The following ADAMTSL1 variants were observed in gnomAD, a reference collection of about 807,000 sequenced individuals.
ADAMTSL1 encodes ADAMTS-like protein 1.
A neutral mutation model predicts 201.8 loss-of-function variants in ADAMTSL1; 126 were observed. The ratio of observed to expected loss-of-function variants is 0.62; its 90% CI spans 0.54 to 0.72. ADAMTSL1 has a LOEUF of 0.72. Among genes scored for constraint, ADAMTSL1 ranks in the 30% least tolerant of loss-of-function variants. The pLI is 0.00. For synonymous variants in ADAMTSL1, 1,121 were observed against 903.4 expected, an observed-to-expected ratio of 1.24 and a Z score of -4.32; for missense variants, 2,679 against 2,277.8, an observed-to-expected ratio of 1.18 and a Z score of -3.59.
intron 3 of ADAMTSL1, among the ~76,000 whole-genome samples, chr9:18,567,544 G>C (rs530725404): frequency 1.3e-5 from 2 of 152,236 alleles, no homozygotes; most frequent in African/African-American, 4.8e-5. Flanking sequence ...GATTTCATGG[G>C]GATAGCAGGA....
chr9:18,581,018 A>G (rs1423766087), intron 4 of ADAMTSL1, among the ~76,000 whole-genome samples: 4 of 152,180 alleles, frequency 2.6e-5, no homozygotes, highest in Admixed American at 6.5e-5. Flanking sequence ...GTGGCTTAAA[A>G]CAACAGAAAT....
chr9:18,450,937 A>T (rs1187832244), intron 2 of ADAMTSL1, among the ~76,000 whole-genome samples: 5 of 152,248 alleles, frequency 3.3e-5, no homozygotes, highest in Non-Finnish European at 7.3e-5. Context: ...CAAGAACTGT[A>T]GTCTGGGTTT....
chr9:18,567,309 A>G (rs1167819324), intron 3 of ADAMTSL1, among the ~76,000 whole-genome samples: 1 of 152,084 alleles, frequency 6.6e-6, no homozygotes, highest in African/African-American at 2.4e-5. Context: ...TACTAAAAAT[A>G]CAGAAAAGTA....
intron 1 of ADAMTSL1, among the ~76,000 whole-genome samples, chr9:17,996,512 G>A (rs1222102850): frequency 6.6e-6 from 1 of 152,098 alleles, no homozygotes; most frequent in African/African-American, 2.4e-5. Flanking sequence ...ATTGGGCAAG[G>A]CAGAATTAAT....
chr9:18,337,963 A>G (rs964485868), intron 2 of ADAMTSL1, among the ~76,000 whole-genome samples: 1 of 152,134 alleles, frequency 6.6e-6, no homozygotes, highest in Non-Finnish European at 1.5e-5. Flanking sequence ...GGGGGTGGTC[A>G]AGCCCGGCTT....
At chr9:18,721,461 C>G in intron 14 of ADAMTSL1, 75 bp from the exon 15 acceptor site, 1 of 1,569,056 alleles carries the variant, frequency 6.4e-7, no homozygotes, top group Non-Finnish European at 8.7e-7. Context: ...CCACCAGCTG[C>G]CTTGTCTACA....
intron 2 of ADAMTSL1, among the ~76,000 whole-genome samples, chr9:18,224,885 G>A (rs1430090527): frequency 6.6e-6 from 1 of 151,992 alleles, no homozygotes; most frequent in Non-Finnish European, 1.5e-5. Context: ...TCCTTTTGGT[G>A]TTCCGTAATT....
intron 23 of ADAMTSL1, among the ~76,000 whole-genome samples, chr9:18,869,742 A>G (rs1339583674): frequency 1.3e-5 from 2 of 152,062 alleles, no homozygotes; most frequent in Admixed American, 6.6e-5. Context: ...CTGGCTTTCA[A>G]TATTTTTTCT....
At chr9:18,278,847 C>T (rs1359374782) in intron 2 of ADAMTSL1, among the ~76,000 whole-genome samples, 3 of 151,842 alleles carry the variant, frequency 2.0e-5, no homozygotes, top group African/African-American at 7.3e-5. Context: ...CATTCTTTTT[C>T]TTTCTCTCTT....
At chr9:17,923,529 G>A (rs1021762070) in intron 1 of ADAMTSL1, among the ~76,000 whole-genome samples, 25 of 151,920 alleles carry the variant, frequency 1.6e-4, no homozygotes, top group Admixed American at 1.6e-3. Context: ...TTTGGGCTGA[G>A]ACAATGGGGT....
intron 2 of ADAMTSL1, among the ~76,000 whole-genome samples, chr9:18,334,366 C>T (rs1835146161): frequency 1.3e-5 from 2 of 152,158 alleles, no homozygotes; most frequent in African/African-American, 2.4e-5. Flanking sequence ...TGTGCATATA[C>T]ACGTGTGCAC....
chr9:18,862,472 A>T (rs1827272375), intron 23 of ADAMTSL1, among the ~76,000 whole-genome samples: 1 of 152,196 alleles, frequency 6.6e-6, no homozygotes, highest in Non-Finnish European at 1.5e-5. Context: ...TTTTCCTCTG[A>T]AACTGTTGTT....
At chr9:18,216,662 T>G (rs1414940523) in intron 2 of ADAMTSL1, among the ~76,000 whole-genome samples, 1 of 151,798 alleles carries the variant, frequency 6.6e-6, no homozygotes, top group Non-Finnish European at 1.5e-5. Context: ...TTTTTTTTTT[T>G]TTTTCCTTTT....
At chr9:18,865,287 GGT>G (rs947245685) in intron 23 of ADAMTSL1, among the ~76,000 whole-genome samples, 3 of 151,930 alleles carry the variant, frequency 2.0e-5, no homozygotes, top group African/African-American at 7.3e-5. Flanking sequence ...GAAAACATGT[GGT>G]GTTTGGTTTT....
chr9:18,168,151 A>C (rs931997275), intron 2 of ADAMTSL1, among the ~76,000 whole-genome samples: 1 of 151,948 alleles, frequency 6.6e-6, no homozygotes, highest in African/African-American at 2.4e-5. Context: ...TTTAGGATAC[A>C]TGTGCACAAC....
chr9:17,956,069 ATAGTT>A lies in ADAMTSL1; in HGVS notation c.87+49150_87+49154del, dbSNP rs370830297. On this transcript the variant is annotated intron_variant, in intron 1 of 29. Transcript: ENST00000680146. Reference sequence around the variant, plus strand: ...AACCAAATACTGTGGAAAAATCTGAATAGTTTATTTTTTAAATCCAAATATGCACA... The same window carrying A: ...AACCAAATACTGTGGAAAAATCTGAATATTTTTTAAATCCAAATATGCACA... Among the ~76,000 whole-genome samples, 48 of 152,326 alleles carry A rather than the reference ATAGTT, an allele frequency of 3.2e-4. No homozygotes were observed. In the South Asian group the frequency reaches 9.5e-3, roughly 30 times the overall value.
chr9:18,417,367 G>GAAAAAAAAAAAAAAGAAAA (rs1818727144), intron 2 of ADAMTSL1, among the ~76,000 whole-genome samples: 4 of 64,680 alleles, frequency 6.2e-5, no homozygotes, highest in Non-Finnish European at 9.5e-5. Flanking sequence ...AAGTAAGCAG[G>GAAAAAAAAAAAAAAGAAAA]AAAAAAAAAA....
chr9:18,076,328 C>G (rs1288982886), intron 1 of ADAMTSL1, among the ~76,000 whole-genome samples: 3 of 152,174 alleles, frequency 2.0e-5, no homozygotes, highest in Admixed American at 6.5e-5. Flanking sequence ...CTTCTGTAGT[C>G]TAGGTATTGT....
chr9:18,021,564 C>G (rs920367366), intron 1 of ADAMTSL1, among the ~76,000 whole-genome samples: 2 of 152,000 alleles, frequency 1.3e-5, no homozygotes, highest in African/African-American at 4.8e-5. Context: ...TGTCGTGGTT[C>G]CATGGGACAA....
Sources: allele counts gnomAD v4.1 joint callset (sites outside exome capture counted in the v4.1 genomes callset), GRCh38; gene constraint gnomAD v4.1.1; transcripts MANE v1.5; gene names NCBI Gene and HGNC (gene_info 2026-07-23, HGNC 2026-07-21).